Variants in IL17RC observed in about 807,000 individuals in gnomAD.
The protein encoded by IL17RC is interleukin 17 receptor C, also known as interleukin-17 receptor C.
In IL17RC, 53 loss-of-function variants were observed where a neutral mutation model predicts 86.7. The observed-to-expected ratio is 0.61, with a 90% CI of 0.49 to 0.77. The LOEUF (loss-of-function observed/expected upper bound fraction) is 0.77. Ranked by LOEUF, IL17RC falls within the 30% of genes least tolerant of loss-of-function variation. The pLI, the probability that IL17RC is intolerant of heterozygous loss-of-function variation, is 0.00. For missense variants in IL17RC, 957 were observed against 940.0 expected (o/e 1.02, Z -0.24); for synonymous variants, 439 against 413.1 (o/e 1.06, Z -0.76).
In IL17RC at chr3:9,930,638, A is replaced by C. The variant is rs1260127690; in HGVS notation, c.1338+179A>C. 5.3e-5 allele frequency: 37 copies of C among 697,228 alleles called. No homozygotes were observed. In the East Asian group the frequency reaches 9.5e-4, roughly 18 times the overall value. 43.2% of individuals were successfully genotyped at this position (697,228 alleles called of 1,614,324 possible). A position where few individuals can be genotyped will look rare whatever the true frequency, so the allele number is the denominator to read the frequency against. ...GTTGGCTAGACACCCATAAACAGAT[A>C]ACCACACCTACAGGTGCTAAGTTTT... is the stretch of plus-strand genomic sequence containing the variant. On this transcript the variant is annotated intron_variant, in intron 15 of 18. Coordinates refer to ENST00000403601, the MANE Select transcript of IL17RC (RefSeq NM_153460.4). The surrounding 1 kb of genome is among the most constrained non-coding windows in gnomAD (Gnocchi z 5.8).
chr3:9,932,027 C>T (rs1044600238), intron 16 of IL17RC, among the ~76,000 whole-genome samples: 9 of 152,048 alleles, frequency 5.9e-5, no homozygotes, highest in Non-Finnish European at 2.9e-5. Flanking sequence ...TGTATTAACA[C>T]ATTGTGTTAA....
At chr3:9,921,027 A>G (rs936851511) in intron 7 of IL17RC, 58 bp downstream of exon 7, 22 of 1,198,240 alleles carry the variant, frequency 1.8e-5, no homozygotes, top group Non-Finnish European at 2.6e-5. Flanking sequence ...GAGTATAAGA[A>G]ACCCTTGGAG....
chr3:9,918,320 C>G lies in IL17RC; in HGVS notation c.281-15C>G. The G allele has an allele frequency of 6.4e-7, 1 of 1,571,900 alleles. No individual in the cohort carries two copies. Among genetic ancestry groups the G allele is most frequent in the Non-Finnish European group, 8.6e-7 (1 of 1,159,070 alleles). ...AGGGGGCCTCACCCAGGGCCTTGCTCTTGGGTCCTTCTAGGGCACTGGGAA... is the reference window on the plus strand; with the variant it reads ...AGGGGGCCTCACCCAGGGCCTTGCTGTTGGGTCCTTCTAGGGCACTGGGAA... On this transcript the variant is annotated splice_polypyrimidine_tract_variant and intron_variant, in intron 3 of 18. Coordinates refer to ENST00000403601, the MANE Select transcript of IL17RC (RefSeq NM_153460.4).
chr3:9,933,137 G>T lies in IL17RC; in HGVS notation c.1707G>T (p.Gln569His). Residue 569 changes from glutamine to histidine, a missense_variant, in exon 19 of 19, where the codon CAG (glutamine) becomes CAT (histidine). Coordinates refer to ENST00000403601, the MANE Select transcript of IL17RC (RefSeq NM_153460.4). The stretch of plus-strand genomic sequence containing the variant: ...CTTGGTTTCACGCGCAGCGGCGCCA[G>T]ACCCTGCAGGAGGGCGGCGTGGTGG... ...PVAWFHAQRR[Q>H]TLQEGGVVVL... is the part of the protein sequence containing the mutation. The T allele has an allele frequency of 6.3e-7, 1 of 1,596,928 alleles. No homozygotes were observed.
chr3:9,929,748 A>G, intron 12 of IL17RC, 104 bp from the exon 13 acceptor site: 1 of 1,224,212 alleles, frequency 8.2e-7, no homozygotes, highest in Non-Finnish European at 1.2e-6. Flanking sequence ...GATTGAGTGC[A>G]GATTCCCAAC....
Position 9,932,641 on chromosome 3 carries a change from C to A in IL17RC, c.1421C>A (p.Ala474Asp). Residue 474 changes from alanine (A) to aspartate (D), a missense_variant, in exon 17 of 19, where the codon GCC becomes GAC. Ala to Asp is a moderately radical substitution (Grantham distance 126). Coordinates refer to ENST00000403601, the MANE Select transcript of IL17RC (RefSeq NM_153460.4). Reference sequence around the variant, plus strand: ...AAGCGCTGGGCCCTCGTGTGGCTGGCCTGCCTACTCTTTGCCGCTGCGCTT... The same window carrying A: ...AAGCGCTGGGCCCTCGTGTGGCTGGACTGCCTACTCTTTGCCGCTGCGCTT... ...IHKRWALVWL[A>D]CLLFAAALSL... is the part of the protein sequence containing the mutation. 1 of 1,614,186 alleles carries A rather than the reference C, an allele frequency of 6.2e-7. No homozygotes were observed. The highest frequency in any genetic ancestry group is 8.5e-7 in the Non-Finnish European group (1 of 1,180,024).
rs1025072404 is a variant in IL17RC, at chr3:9,930,733, C to G, written c.1339-162C>G. Reference sequence around the variant, plus strand: ...AGATTTGGTATGGAAGAAGTCATACCCTAGTCAGTGGGCACAGCACAAAGG... The same window carrying G: ...AGATTTGGTATGGAAGAAGTCATACGCTAGTCAGTGGGCACAGCACAAAGG... On this transcript the variant is annotated intron_variant, in intron 15 of 18. Coordinates refer to ENST00000403601, the MANE Select transcript of IL17RC (RefSeq NM_153460.4). The surrounding 1 kb of genome is among the most constrained non-coding windows in gnomAD (Gnocchi z 5.8). 17 of 755,472 alleles carry G rather than the reference C, an allele frequency of 2.3e-5. No homozygotes were observed. The highest frequency in any genetic ancestry group is 4.6e-5 in the South Asian group (3 of 64,558). 46.8% of individuals were successfully genotyped at this position (755,472 alleles called of 1,614,324 possible).
chr3:9,931,470 C>CACACAT (rs750351615), intron 16 of IL17RC, among the ~76,000 whole-genome samples: 16 of 43,666 alleles, frequency 3.7e-4, no homozygotes, highest in Middle Eastern at 0.024. Flanking sequence ...CACACACACA[C>CACACAT]ATATATATAT....
intron 6 of IL17RC, 95 bp downstream of exon 6, chr3:9,920,697 G>C: frequency 1.1e-6 from 1 of 902,324 alleles, no homozygotes; most frequent in Non-Finnish European, 1.8e-6. Flanking sequence ...TCCACTCTCC[G>C]GCAGGGGTCT....
rs200220568 is a variant in IL17RC, at chr3:9,928,162, C to T, written c.823-4C>T. 2.0e-3 allele frequency: 3,267 copies of T among 1,614,112 alleles called. 6 individuals carry two copies. Among genetic ancestry groups the T allele is most frequent in the Middle Eastern group, 3.3e-3 (20 of 6,060 alleles). ...ACCTGAGCAGACCCCCATTTCCTTT[C>T]CAGGTGTGGCCTCTGGAACCTGACT... On this transcript the variant is annotated splice_polypyrimidine_tract_variant and splice_region_variant and intron_variant, in intron 9 of 18. Coordinates refer to ENST00000403601, the MANE Select transcript of IL17RC (RefSeq NM_153460.4).
rs147799087 is a variant in IL17RC at position 9,923,822 on chromosome 3, T to C, written c.623-59T>C. On this transcript the variant is annotated intron_variant, in intron 7 of 18. Coordinates refer to ENST00000403601, the MANE Select transcript of IL17RC (RefSeq NM_153460.4). ...TTTGAAGGAAACTCCAAAGGGTCAG[T>C]CGGGGATGCAGAAGAGGTGAGGAAG... The C allele has an allele frequency of 3.1e-4, 495 of 1,582,978 alleles. 2 individuals are homozygous for C. In the East Asian group the frequency reaches 0.011, roughly 34 times the overall value.
At chr3:9,923,320 G>A (rs1293572769) in intron 7 of IL17RC, among the ~76,000 whole-genome samples, 1 of 152,076 alleles carries the variant, frequency 6.6e-6, no homozygotes, top group Non-Finnish European at 1.5e-5. Context: ...GGGAAGCTGA[G>A]GCAGGAGGAT....
At chr3:9,922,697 A>T (rs772879444) in intron 7 of IL17RC, among the ~76,000 whole-genome samples, 41 of 152,210 alleles carry the variant, frequency 2.7e-4, no homozygotes, top group Non-Finnish European at 5.0e-4. Context: ...TTAGACAGTG[A>T]TTAGCACTAA....
intron 16 of IL17RC, among the ~76,000 whole-genome samples, chr3:9,931,470 C>CATATATAT (rs1553593529): frequency 0.017 from 747 of 43,290 alleles, 7 homozygotes; most frequent in South Asian, 0.033. Context: ...CACACACACA[C>CATATATAT]ATATATATAT....
chr3:9,928,122 A>T, intron 9 of IL17RC, 44 bp from the exon 10 acceptor site: 1 of 1,594,458 alleles, frequency 6.3e-7, no homozygotes, highest in Non-Finnish European at 8.6e-7. Flanking sequence ...GGCCAGGCAC[A>T]TGCCCATGGA....
At chr3:9,926,283 C>T (rs960181433) in intron 9 of IL17RC, among the ~76,000 whole-genome samples, 1 of 152,034 alleles carries the variant, frequency 6.6e-6, no homozygotes, top group Non-Finnish European at 1.5e-5. Flanking sequence ...CCACCCGCCT[C>T]GGCCGCCCAA....
intron 7 of IL17RC, among the ~76,000 whole-genome samples, chr3:9,921,312 G>A (rs1198792161): frequency 5.3e-5 from 8 of 152,090 alleles, no homozygotes; most frequent in South Asian, 4.2e-4. Context: ...AAAATTAACA[G>A]GACATGGTGG....
At position 9,917,125 on chromosome 3, in the gene IL17RC, A is replaced by G. The variant is rs1391034820; in HGVS notation, c.-191A>G. ...AACGAAAGCACTCCGTGCTGGAAGT[A>G]GGAGGAGAGTCAGGACTCCCAGGAC... On this transcript the variant is annotated 5_prime_UTR_variant, in exon 1 of 19. Transcript: ENST00000403601. 5.1e-6 allele frequency: 3 copies of G among 588,138 alleles called. No individual in the cohort carries two copies. The highest frequency in any genetic ancestry group is 9.1e-6 in the Non-Finnish European group (3 of 330,840). The allele number at this position is 588,138 out of a possible 1,614,324, so 36.4% of individuals were successfully genotyped here.
intron 5 of IL17RC, chr3:9,920,279 C>T: frequency 1.9e-6 from 1 of 536,902 alleles, no homozygotes; most frequent in South Asian, 2.5e-5. Context: ...CCTTTTCCCG[C>T]CCTGGTGACA....
Sources: allele counts gnomAD v4.1 joint callset (sites outside exome capture counted in the v4.1 genomes callset), GRCh38; gene constraint gnomAD v4.1.1; non-coding constraint Gnocchi (gnomAD v3.1); transcripts MANE v1.5; gene names NCBI Gene and HGNC (gene_info 2026-07-23, HGNC 2026-07-21).